CSMD2: variants seen among roughly 807,000 people sequenced by gnomAD.
The protein encoded by CSMD2 is CUB and Sushi multiple domains 2.
A neutral mutation model predicts 398.5 loss-of-function variants in CSMD2; 130 were observed. The observed-to-expected ratio is 0.33, with a 90% CI of 0.28 to 0.38. The LOEUF is 0.38. Ranked by LOEUF, CSMD2 falls within the 10% of genes least tolerant of loss-of-function variation. The pLI, the probability that CSMD2 is intolerant of heterozygous loss-of-function variation, is 1.00. For missense variants in CSMD2, 3,829 were observed against 4,764.9 expected (o/e 0.80, Z 5.78); for synonymous variants, 1,828 against 1,908.5 (o/e 0.96, Z 1.10).
At chr1:34,131,338 G>A (rs1226301043) in intron 1 of CSMD2, among the ~76,000 whole-genome samples, 1 of 151,612 alleles carries the variant, frequency 6.6e-6, no homozygotes, top group Admixed American at 6.5e-5. Context: ...CTATTGGGAG[G>A]TGCAGGAGAG....
chr1:33,742,899 C>G (rs760439419), intron 14 of CSMD2, among the ~76,000 whole-genome samples: 3 of 152,180 alleles, frequency 2.0e-5, no homozygotes, highest in Admixed American at 6.5e-5. Context: ...GAGAGCACCT[C>G]AGAGAGGGCA....
chr1:33,619,313 G>C (rs747026292), intron 37 of CSMD2, among the ~76,000 whole-genome samples: 1 of 152,182 alleles, frequency 6.6e-6, no homozygotes, highest in Non-Finnish European at 1.5e-5. Flanking sequence ...GGGGATACAG[G>C]CTCCTTTGGG....
intron 10 of CSMD2, among the ~76,000 whole-genome samples, chr1:33,792,930 C>T (rs559017457): frequency 1.3e-5 from 2 of 152,330 alleles, no homozygotes; most frequent in Admixed American, 6.5e-5. Context: ...AGAAGTTTCT[C>T]TCGTCTTCTC....
intron 3 of CSMD2, among the ~76,000 whole-genome samples, chr1:33,986,278 G>T (rs1331967929): frequency 6.6e-6 from 1 of 152,158 alleles, no homozygotes; most frequent in Middle Eastern, 3.2e-3. Flanking sequence ...CTCAATCCAT[G>T]TCTTTCTGTA....
chr1:34,103,012 A>G (rs1357867981), intron 1 of CSMD2, among the ~76,000 whole-genome samples: 1 of 152,180 alleles, frequency 6.6e-6, no homozygotes, highest in Non-Finnish European at 1.5e-5. Flanking sequence ...AACCTGGTAC[A>G]TAATAGATGC....
chr1:33,553,804 G>A (rs958439645), intron 55 of CSMD2, among the ~76,000 whole-genome samples: 3 of 152,146 alleles, frequency 2.0e-5, no homozygotes, highest in African/African-American at 4.8e-5. Context: ...AGTCTTTATT[G>A]TAGGGGGCTG....
At chr1:33,752,952 A>C (rs1648464585) in intron 13 of CSMD2, among the ~76,000 whole-genome samples, 1 of 152,150 alleles carries the variant, frequency 6.6e-6, no homozygotes. Context: ...TGATGGAAAA[A>C]ATTTCTAAGC....
chr1:33,762,108 G>A (rs985641506), intron 13 of CSMD2, among the ~76,000 whole-genome samples: 1 of 152,258 alleles, frequency 6.6e-6, no homozygotes, highest in African/African-American at 2.4e-5. Flanking sequence ...GGACCACAGA[G>A]TCTGAGGACA....
chr1:33,620,903 A>C (rs745625792), intron 37 of CSMD2, among the ~76,000 whole-genome samples: 6 of 144,056 alleles, frequency 4.2e-5, no homozygotes, highest in Non-Finnish European at 6.0e-5. Context: ...AAGCAGCTGG[A>C]TGAAGTTCAT....
Position 34,165,170 on chromosome 1 carries a change from G to C in CSMD2, c.-73C>G. On this transcript the variant is annotated 5_prime_UTR_variant, in exon 1 of 71. Coordinates refer to ENST00000373381, the MANE Select transcript of CSMD2 (RefSeq NM_001281956.2). Reference sequence around the variant, plus strand: ...GAAAGGAGGTCAGGAGAGCTCTGGAGCTTTTTTCTGCTCGGAAAAAATCCC... The same window carrying C: ...GAAAGGAGGTCAGGAGAGCTCTGGACCTTTTTTCTGCTCGGAAAAAATCCC... The C allele has an allele frequency of 8.4e-7, 1 of 1,190,652 alleles. No homozygotes were observed. Among genetic ancestry groups the C allele is most frequent in the Non-Finnish European group, 1.0e-6 (1 of 961,620 alleles). The allele number at this position is 1,190,652 out of a possible 1,614,324, so 73.8% of individuals were successfully genotyped here.
chr1:34,130,446 A>G (rs1199294529), intron 1 of CSMD2, among the ~76,000 whole-genome samples: 10 of 151,068 alleles, frequency 6.6e-5, no homozygotes, highest in Admixed American at 6.6e-4. Context: ...AAAGGCAAGT[A>G]CACCTGGGGT....
intron 24 of CSMD2, among the ~76,000 whole-genome samples, chr1:33,697,859 C>G (rs1645472336): frequency 6.6e-6 from 1 of 152,230 alleles, no homozygotes; most frequent in African/African-American, 2.4e-5. Context: ...CACAAATACC[C>G]AGACATACAT....
chr1:33,580,821 T>C lies in CSMD2; in HGVS notation c.7319A>G (p.Asn2440Ser). Reference protein sequence around the residue: ...SAPLIVTSSSNSVYLRWSSDH... With the variant: ...SAPLIVTSSSSSVYLRWSSDH... ...AGATGACCAACGCAGGTACACAGAG[T>C]TGCTTGAGCTGGTGACAATCAGGGG... The change falls in exon 48 of 71, where the codon AAC becomes AGC. Residue 2440 changes from asparagine (N) to serine (S), a missense_variant. Coordinates refer to ENST00000373381, the MANE Select transcript of CSMD2 (RefSeq NM_001281956.2). 1 of 1,613,944 alleles carries C rather than the reference T, an allele frequency of 6.2e-7. No homozygotes were observed. The highest frequency in any genetic ancestry group is 8.5e-7 in the Non-Finnish European group (1 of 1,179,986).
rs1426205777 is a variant in CSMD2, at chr1:33,743,450, T to A, written c.2003A>T (p.Gln668Leu). The A allele has an allele frequency of 6.2e-7, 1 of 1,614,054 alleles. No individual in the cohort carries two copies. The highest frequency in any genetic ancestry group is 8.5e-7 in the Non-Finnish European group (1 of 1,180,044). ...ATCCTTGATGACCAGGAAATCAAAC[T>A]GAGGCTCCACGTCAATGTCGTTGAA... The part of the protein sequence containing the change: ...LAFNDIDVEP[Q>L]FDFLVIKDGA... Residue 668 changes from glutamine (Q) to leucine (L), a missense_variant, in exon 14 of 71, where the codon CAG becomes CTG. Transcript: ENST00000373381.
chr1:34,142,448 C>T lies in CSMD2; in HGVS notation c.187+22463G>A, dbSNP rs996869874. Among the ~76,000 whole-genome samples, 7 of 152,260 alleles carry T rather than the reference C, an allele frequency of 4.6e-5. No individual in the cohort carries two copies. The East Asian group carries it at 7.7e-4, about 17-fold the overall frequency. Reference sequence around the variant, plus strand: ...AGCTGCAAGCACCTTACAAGCCCAGCGGAATTGGCCTTTGCAAAACCCTGG... The same window carrying T: ...AGCTGCAAGCACCTTACAAGCCCAGTGGAATTGGCCTTTGCAAAACCCTGG... On this transcript the variant is annotated intron_variant, in intron 1 of 70. Coordinates refer to ENST00000373381, the MANE Select transcript of CSMD2 (RefSeq NM_001281956.2).
chr1:33,934,652 AG>A (rs771336577), intron 4 of CSMD2, among the ~76,000 whole-genome samples: 8 of 152,228 alleles, frequency 5.3e-5, no homozygotes, highest in Non-Finnish European at 1.0e-4. Context: ...CAGTTAAAAC[AG>A]GTAAATTTTC....
Position 33,819,289 on chromosome 1 carries a change from A to G in CSMD2, c.1324+424T>C, listed in dbSNP as rs559358366. 2.6e-4 allele frequency among the ~76,000 whole-genome samples: 39 copies of G among 152,316 alleles called. No individual in the cohort carries two copies. The South Asian group carries it at 7.9e-3, about 31-fold the overall frequency. On this transcript the variant is annotated intron_variant, in intron 9 of 70. Transcript: ENST00000373381. ...AGGTAAAAACACTCTTGCAGAAGTG[A>G]CAAGTCTGTCTGTTGCAATATGGGG...
chr1:34,127,232 C>CT lies in CSMD2; in HGVS notation c.187+37678dup, dbSNP rs144923436. On this transcript the variant is annotated intron_variant, in intron 1 of 70. Coordinates refer to ENST00000373381, the MANE Select transcript of CSMD2 (RefSeq NM_001281956.2). ...GGGAGCTAAGTGGAAGAACCAGAGA[C>CT]TGAGTATGGACTATTTGAGGAACTT... Among the ~76,000 whole-genome samples the CT allele has an allele frequency of 6.3e-3, 959 of 152,258 alleles. 11 individuals are homozygous for CT. The highest frequency in any genetic ancestry group is 0.051 in the East Asian group (262 of 5,166).
intron 3 of CSMD2, among the ~76,000 whole-genome samples, chr1:33,938,653 T>C (rs77947942): frequency 2.2e-5 from 3 of 138,746 alleles, no homozygotes; most frequent in African/African-American, 5.5e-5. Flanking sequence ...GCTTACTTGG[T>C]ACTTCCCATG....
Sources: gnomAD v4.1 joint callset for allele counts (sites outside exome capture counted in the v4.1 genomes callset) on GRCh38, gnomAD v4.1.1 for gene constraint, MANE v1.5 for transcripts, NCBI Gene and HGNC (gene_info 2026-07-23, HGNC 2026-07-21) for gene names.